TBC1D4: variants seen among roughly 807,000 people sequenced by gnomAD.
The protein encoded by TBC1D4 is TBC (Tre-2, BUB2, CDC16) domain-containing protein.
A neutral mutation model predicts 142.5 loss-of-function variants in TBC1D4; 121 were observed. That is an observed-to-expected ratio of 0.85 (90% CI 0.73 to 0.99). The LOEUF (loss-of-function observed/expected upper bound fraction) is 0.99. Among genes scored for constraint, TBC1D4 ranks in the 50% least tolerant of loss-of-function variants. The probability of loss-of-function intolerance (pLI) is 0.00; values close to 1 mark genes in which losing one functional copy is unlikely to be tolerated. For missense variants in TBC1D4, 1,475 were observed against 1,606.6 expected, an observed-to-expected ratio of 0.92 and a Z score of 1.40; for synonymous variants, 630 against 628.2, an observed-to-expected ratio of 1.00 and a Z score of -0.04.
intron 16 of TBC1D4, among the ~76,000 whole-genome samples, chr13:75,300,602 A>G (rs1876433818): frequency 6.6e-6 from 1 of 152,246 alleles, no homozygotes. Flanking sequence ...GAAGAAACAC[A>G]GATGGCTACA....
At chr13:75,395,785 G>T (rs963502460) in intron 1 of TBC1D4, among the ~76,000 whole-genome samples, 1 of 152,016 alleles carries the variant, frequency 6.6e-6, no homozygotes, top group Non-Finnish European at 1.5e-5. Context: ...AGCCGAGATC[G>T]TACCACTGCA....
chr13:75,356,472 A>G (rs1310784805), intron 3 of TBC1D4, among the ~76,000 whole-genome samples: 1 of 152,240 alleles, frequency 6.6e-6, no homozygotes, highest in Non-Finnish European at 1.5e-5. Context: ...TCTGATAAAC[A>G]TTCTGCGACT....
intron 5 of TBC1D4, among the ~76,000 whole-genome samples, chr13:75,342,179 A>G (rs1880765754): frequency 6.6e-6 from 1 of 152,204 alleles, no homozygotes; most frequent in African/African-American, 2.4e-5. Context: ...CCTGGGCGAC[A>G]AAGTGAGACT....
intron 1 of TBC1D4, among the ~76,000 whole-genome samples, chr13:75,445,417 T>C (rs973766982): frequency 5.3e-5 from 8 of 152,226 alleles, no homozygotes; most frequent in Admixed American, 2.0e-4. Context: ...GCTATAGACC[T>C]TGGGCACATT....
intron 1 of TBC1D4, among the ~76,000 whole-genome samples, chr13:75,412,493 ACAAGGTCTCACTATGTTG>A (rs1885720806): frequency 3.9e-5 from 6 of 152,032 alleles, no homozygotes; most frequent in Admixed American, 3.9e-4. Flanking sequence ...TTTAATGAAG[ACAAGGTCTCACTATGTTG>A]CAAGGCTGGT....
At chr13:75,384,101 A>AT (rs1884027213) in intron 1 of TBC1D4, among the ~76,000 whole-genome samples, 4 of 78,488 alleles carry the variant, frequency 5.1e-5, no homozygotes, top group Admixed American at 1.3e-4. Flanking sequence ...ATAATAAAAA[A>AT]AAATAATAAT....
chr13:75,322,057 C>T (rs1878823653), intron 11 of TBC1D4, among the ~76,000 whole-genome samples: 1 of 152,196 alleles, frequency 6.6e-6, no homozygotes, highest in Non-Finnish European at 1.5e-5. Flanking sequence ...TGCAGGCATG[C>T]TGCTAGCATT....
rs151239054 is a variant in TBC1D4, at chr13:75,338,736, C to T, written c.1612-1696G>A. On this transcript the variant is annotated intron_variant, in intron 7 of 20. Coordinates refer to ENST00000377636, the MANE Select transcript of TBC1D4 (RefSeq NM_014832.5). Reference sequence around the variant, plus strand: ...ATCACCTCAAATTCCTCTATGGGCACCAAATCCATTTTTCTAATTGAATCT... The same window carrying T: ...ATCACCTCAAATTCCTCTATGGGCATCAAATCCATTTTTCTAATTGAATCT... 4.3e-4 allele frequency among the ~76,000 whole-genome samples: 65 copies of T among 152,294 alleles called. 1 individual carries two copies. Among genetic ancestry groups the T allele is most frequent in the African/African-American group, 1.5e-3 (63 of 41,554 alleles).
chr13:75,358,843 G>A (rs1278340407), intron 3 of TBC1D4, among the ~76,000 whole-genome samples: 1 of 152,082 alleles, frequency 6.6e-6, no homozygotes, highest in Non-Finnish European at 1.5e-5. Context: ...CAGCCTGGAT[G>A]ACAGAGGAAG....
intron 11 of TBC1D4, among the ~76,000 whole-genome samples, chr13:75,322,801 G>T (rs556302943): frequency 3.9e-5 from 6 of 152,092 alleles, no homozygotes; most frequent in Non-Finnish European, 7.4e-5. Flanking sequence ...TATATTCTTG[G>T]TTCTCTAAAT....
At chr13:75,381,347 T>C (rs1218107915) in intron 1 of TBC1D4, among the ~76,000 whole-genome samples, 1 of 152,188 alleles carries the variant, frequency 6.6e-6, no homozygotes, top group Non-Finnish European at 1.5e-5. Flanking sequence ...TCATTCACTG[T>C]CGAAATAACT....
At position 75,460,160 on chromosome 13, in the gene TBC1D4, A is replaced by T. The variant is rs550647198; in HGVS notation, c.498+21110T>A. 7.8e-4 allele frequency among the ~76,000 whole-genome samples: 112 copies of T among 143,900 alleles called. 1 individual carries two copies. The highest frequency in any genetic ancestry group is 2.3e-3 in the African/African-American group (93 of 41,024). 94.4% of individuals were successfully genotyped at this position (143,900 alleles called of 152,430 possible). ...TCCGTCTCAAAAATAAAAATAAAAAAAAAAAATAATAATAATACATATTAG... is the reference window on the plus strand; with the variant it reads ...TCCGTCTCAAAAATAAAAATAAAAATAAAAAATAATAATAATACATATTAG... On this transcript the variant is annotated intron_variant, in intron 1 of 20. Coordinates refer to ENST00000377636, the MANE Select transcript of TBC1D4 (RefSeq NM_014832.5).
Position 75,292,374 on chromosome 13 carries a change from T to C in TBC1D4, c.3317-103A>G, listed in dbSNP as rs536195336. ...TTTTTGTTTACTTGTTTTATGTATT[T>C]TGCAGAAGAAAACTGGTCAAAAGCA... On this transcript the variant is annotated intron_variant, in intron 18 of 20. Transcript: ENST00000377636. 2.9e-6 allele frequency: 3 copies of C among 1,027,534 alleles called. No homozygotes were observed. In the South Asian group the frequency reaches 4.6e-5, roughly 16 times the overall value. The allele number at this position is 1,027,534 out of a possible 1,614,324, so 63.7% of individuals were successfully genotyped here. A position where few individuals can be genotyped will look rare whatever the true frequency, so the allele number is the denominator to read the frequency against.
At chr13:75,350,854 T>G (rs1881533399) in intron 4 of TBC1D4, among the ~76,000 whole-genome samples, 1 of 152,180 alleles carries the variant, frequency 6.6e-6, no homozygotes, top group Admixed American at 6.5e-5. Context: ...TACACAAATA[T>G]TACTAAAAAC....
At chr13:75,335,182 C>A (rs1483575158) in intron 8 of TBC1D4, among the ~76,000 whole-genome samples, 1 of 152,188 alleles carries the variant, frequency 6.6e-6, no homozygotes, top group African/African-American at 2.4e-5. Context: ...ACCTCCCAAA[C>A]CAGGTTCCCC....
intron 1 of TBC1D4, among the ~76,000 whole-genome samples, chr13:75,415,585 A>T (rs1161143978): frequency 6.6e-6 from 1 of 152,162 alleles, no homozygotes; most frequent in Non-Finnish European, 1.5e-5. Flanking sequence ...ACTAATCCAA[A>T]CTGATTCTGT....
At chr13:75,406,594 C>T (rs1029668089) in intron 1 of TBC1D4, among the ~76,000 whole-genome samples, 15 of 152,284 alleles carry the variant, frequency 9.9e-5, no homozygotes, top group African/African-American at 3.6e-4. Context: ...GCACACATCA[C>T]AGTGTTGTCA....
chr13:75,361,940 A>G, intron 2 of TBC1D4, 86 bp downstream of exon 2: 1 of 1,434,032 alleles, frequency 7.0e-7, no homozygotes, highest in South Asian at 1.1e-5. Flanking sequence ...CGTTATATAG[A>G]GGTGGAGCTG....
At chr13:75,326,553 C>T (rs971908625) in intron 9 of TBC1D4, 130 bp from the exon 10 acceptor site, 22 of 934,532 alleles carry the variant, frequency 2.4e-5, no homozygotes, top group Non-Finnish European at 3.7e-5. Flanking sequence ...TTTTTCCTCC[C>T]CCTTTTACTT....
Sources: gnomAD v4.1 joint callset for allele counts (sites outside exome capture counted in the v4.1 genomes callset) on GRCh38, gnomAD v4.1.1 for gene constraint, MANE v1.5 for transcripts, NCBI Gene and HGNC (gene_info 2026-07-23, HGNC 2026-07-21) for gene names.